UNC5A: variants seen among roughly 807,000 people sequenced by gnomAD.
The protein encoded by UNC5A is unc-5 netrin receptor A, also known as netrin receptor UNC5A.
Under a neutral mutation model 87.4 loss-of-function variants are expected in UNC5A, and 20 were observed. The observed-to-expected ratio is 0.23, with a 90% CI of 0.16 to 0.33. The LOEUF (loss-of-function observed/expected upper bound fraction) is 0.33. Ranked by LOEUF, UNC5A falls within the 10% of genes least tolerant of loss-of-function variation. UNC5A has a pLI of 1.00. For synonymous variants in UNC5A, 438 were observed against 482.3 expected (o/e 0.91, Z 1.20); for missense variants, 844 against 1,133.4 (o/e 0.74, Z 3.67).
In UNC5A at chr5:176,817,606, G is replaced by T. The variant is rs959665060; in HGVS notation, c.70+6786G>T. Among the ~76,000 whole-genome samples the T allele has an allele frequency of 1.7e-3, 188 of 107,576 alleles. 2 individuals carry two copies. The highest frequency in any genetic ancestry group is 6.4e-3 in the African/African-American group (172 of 26,678). 70.6% of individuals were successfully genotyped at this position (107,576 alleles called of 152,430 possible). On this transcript the variant is annotated intron_variant, in intron 1 of 14. Coordinates refer to ENST00000329542, the MANE Select transcript of UNC5A (RefSeq NM_133369.3). Reference sequence around the variant, plus strand: ...CACCCCCGCCCAAACAAATGTGCCCGTCACTGGCGGGTAGCAGCCCCTCCT... The same window carrying T: ...CACCCCCGCCCAAACAAATGTGCCCTTCACTGGCGGGTAGCAGCCCCTCCT...
intron 2 of UNC5A, among the ~76,000 whole-genome samples, chr5:176,863,930 A>T (rs1581270326): frequency 6.9e-6 from 1 of 145,562 alleles, no homozygotes; most frequent in Admixed American, 7.0e-5. Context: ...TTTGTGGAGC[A>T]CCCCACGCAT....
intron 1 of UNC5A, among the ~76,000 whole-genome samples, chr5:176,812,603 G>A (rs923871330): frequency 3.3e-5 from 5 of 152,192 alleles, no homozygotes; most frequent in African/African-American, 7.2e-5. Context: ...TGGAGCGGGG[G>A]GTTGCCACAG....
In UNC5A at chr5:176,875,568, A is replaced by G. The variant is rs559254450; in HGVS notation, c.1378+1002A>G. 3.3e-5 allele frequency among the ~76,000 whole-genome samples: 5 copies of G among 151,876 alleles called. No individual in the cohort carries two copies. Among genetic ancestry groups the G allele is most frequent in the Non-Finnish European group, 7.4e-5 (5 of 67,924 alleles). On this transcript the variant is annotated intron_variant, in intron 8 of 14. Transcript: ENST00000329542. The surrounding 1 kb of genome is among the most constrained non-coding windows in gnomAD (Gnocchi z 5.2). ...TGCCTCTCCTGACACGGGCCACCAA[A>G]CCCCTTACCTGGTTCCTTGCTGTAA...
intron 2 of UNC5A, among the ~76,000 whole-genome samples, chr5:176,863,261 T>A (rs908851353): frequency 7.9e-5 from 12 of 151,080 alleles, no homozygotes; most frequent in Non-Finnish European, 1.6e-4. Context: ...GGTTAGGGAG[T>A]GCAGAAGGGG....
At chr5:176,819,117 C>A (rs1188768709) in intron 1 of UNC5A, among the ~76,000 whole-genome samples, 1 of 152,214 alleles carries the variant, frequency 6.6e-6, no homozygotes, top group African/African-American at 2.4e-5. Context: ...AGGGCTCCCA[C>A]CTGGCCACAC....
At chr5:176,864,053 G>A (rs992805412) in intron 2 of UNC5A, among the ~76,000 whole-genome samples, 1 of 151,558 alleles carries the variant, frequency 6.6e-6, no homozygotes, top group Non-Finnish European at 1.5e-5. Flanking sequence ...ACAGGCCATT[G>A]CCGTGAGGCT....
At position 176,841,813 on chromosome 5, in the gene UNC5A, A is replaced by T. The variant is rs1242525499; in HGVS notation, c.71-20811A>T. On this transcript the variant is annotated intron_variant, in intron 1 of 14. Transcript: ENST00000329542. This position sits in a 1 kb window ranked among gnomAD's most constrained non-coding sequence, Gnocchi z 4.1. ...GAAGGTATACAAATGGCCAACAATC[A>T]TGAAAAAAGGCTCGACATCACTAAT... Among the ~76,000 whole-genome samples, 1 of 152,228 alleles carries T rather than the reference A, an allele frequency of 6.6e-6. No homozygotes were observed. Among genetic ancestry groups the T allele is most frequent in the Non-Finnish European group, 1.5e-5 (1 of 68,046 alleles).
chr5:176,879,558 A>G, intron 14 of UNC5A, 70 bp downstream of exon 14: 1 of 1,549,198 alleles, frequency 6.5e-7, no homozygotes, highest in Non-Finnish European at 8.7e-7. Context: ...GGGGTGGGTG[A>G]GGTGGACAGG....
intron 1 of UNC5A, among the ~76,000 whole-genome samples, chr5:176,829,826 C>T (rs1279737866): frequency 2.7e-5 from 4 of 150,834 alleles, no homozygotes; most frequent in African/African-American, 9.7e-5. Flanking sequence ...TTCATTACCA[C>T]GGGGCTGGTT....
intron 1 of UNC5A, among the ~76,000 whole-genome samples, chr5:176,851,085 G>A (rs1757530967): frequency 6.6e-6 from 1 of 152,238 alleles, no homozygotes; most frequent in Non-Finnish European, 1.5e-5. Flanking sequence ...GCCAGGACAT[G>A]TTGCCAGATG....
chr5:176,877,602 C>T lies in UNC5A; in HGVS notation c.1534C>T (p.Leu512Phe). 1 of 1,612,422 alleles carries T rather than the reference C, an allele frequency of 6.2e-7. No individual in the cohort carries two copies. The highest frequency in any genetic ancestry group is 8.5e-7 in the Non-Finnish European group (1 of 1,179,560). The change falls in exon 10 of 15, where the codon CTC (leucine) becomes TTC (phenylalanine). Residue 512 changes from leucine to phenylalanine, a missense_variant. Leu to Phe is a conservative substitution (Grantham distance 22, BLOSUM62 0). This residue lies in a region of UNC5A where 353 missense variants were observed against 387.5 expected (regional missense o/e 0.91). Transcript: ENST00000329542. The stretch of plus-strand genomic sequence containing the variant: ...TAGCTGTGGACCCCCTGGCGTCCTG[C>T]TCACCCGGCCAGTCATCCTGGCTAT... Reference protein sequence around the residue: ...IVSCGPPGVLLTRPVILAMDH... With the variant: ...IVSCGPPGVLFTRPVILAMDH...
chr5:176,860,829 C>CG (rs988250331), intron 1 of UNC5A, among the ~76,000 whole-genome samples: 1 of 152,094 alleles, frequency 6.6e-6, no homozygotes, highest in Admixed American at 6.6e-5. Context: ...GCGGAACATG[C>CG]GGGGGGCAGT....
At chr5:176,827,179 CTTTTTTTT>C (rs35306601) in intron 1 of UNC5A, among the ~76,000 whole-genome samples, 6 of 107,580 alleles carry the variant, frequency 5.6e-5, no homozygotes, top group Admixed American at 3.6e-4. Flanking sequence ...TGCTTCATTC[CTTTTTTTT>C]TTTTTTTTTT....
At position 176,870,433 on chromosome 5, in the gene UNC5A, G is replaced by A. The variant is rs1250492247; in HGVS notation, c.785G>A (p.Arg262Gln). The stretch of plus-strand genomic sequence containing the variant: ...TGTGGGCTGGACTGCACCCACTGGC[G>A]GAGCCGTGAGTGCTCTGACCCAGCA... Reference protein sequence around the residue: ...SACGLDCTHWRSRECSDPAPR... With the variant: ...SACGLDCTHWQSRECSDPAPR... The change falls in exon 6 of 15, where the codon CGG becomes CAG. Residue 262 changes from arginine (R) to glutamine (Q), a missense_variant. Around this residue, in one of 3 missense-constraint regions of UNC5A, gnomAD observed 314 missense variants for 466.5 expected, o/e 0.67. Transcript: ENST00000329542. The A allele has an allele frequency of 3.7e-6, 6 of 1,612,090 alleles. No individual in the cohort carries two copies. The highest frequency in any genetic ancestry group is 2.2e-5 in the East Asian group (1 of 44,860).
chr5:176,812,853 C>T (rs1756496463), intron 1 of UNC5A, among the ~76,000 whole-genome samples: 1 of 152,136 alleles, frequency 6.6e-6, no homozygotes, highest in Non-Finnish European at 1.5e-5. Flanking sequence ...CCCCTGTGCC[C>T]CACAGGCACT....
At chr5:176,859,664 A>G (rs373266287) in intron 1 of UNC5A, among the ~76,000 whole-genome samples, 2,198 of 28,516 alleles carry the variant, frequency 0.077, 54 homozygotes, top group Middle Eastern at 0.14. Flanking sequence ...TAGAGGGCAT[A>G]GCTGCTAGAA....
At position 176,879,447 on chromosome 5, in the gene UNC5A, T is replaced by C; in HGVS notation, c.2322T>C (p.Gly774=). The change falls in exon 14 of 15, where the codon GGT becomes GGC. Residue 774 remains glycine, a synonymous_variant. Coordinates refer to ENST00000329542, the MANE Select transcript of UNC5A (RefSeq NM_133369.3). ...ISSLDPPCRR[G]ADWRTLAQKL... The stretch of plus-strand genomic sequence containing the variant: ...GCCTGGACCCACCCTGTAGGCGGGG[T>C]GCCGACTGGCGGACTCTGGCCCAGA... 6.2e-7 allele frequency: 1 copy of C among 1,611,810 alleles called. No homozygotes were observed. Among genetic ancestry groups the C allele is most frequent in the Non-Finnish European group, 8.5e-7 (1 of 1,179,462 alleles).
At chr5:176,853,846 A>C (rs1197429364) in intron 1 of UNC5A, among the ~76,000 whole-genome samples, 2 of 152,160 alleles carry the variant, frequency 1.3e-5, no homozygotes, top group African/African-American at 4.8e-5. Flanking sequence ...AGGGCGACAG[A>C]GGATGGACAG....
chr5:176,839,177 C>A (rs1561648727), intron 1 of UNC5A, among the ~76,000 whole-genome samples: 1 of 152,250 alleles, frequency 6.6e-6, no homozygotes, highest in Non-Finnish European at 1.5e-5. Flanking sequence ...CCACTCCTGT[C>A]ACTTCCATCA....
Sources: gnomAD v4.1 joint callset for allele counts (sites outside exome capture counted in the v4.1 genomes callset) on GRCh38, gnomAD v4.1.1 for gene constraint, gnomAD v4.1.1 regional missense constraint, Gnocchi (gnomAD v3.1) non-coding constraint, MANE v1.5 for transcripts, NCBI Gene and HGNC (gene_info 2026-07-23, HGNC 2026-07-21) for gene names.